SNX16: variants seen among roughly 807,000 people sequenced by gnomAD.
SNX16 encodes the protein sorting nexin-16.
SNX16 carries 35 observed loss-of-function variants against 36.7 expected under a neutral mutation model. That is an observed-to-expected ratio of 0.95 (90% CI 0.73 to 1.27). SNX16 has a LOEUF of 1.27. Among genes scored for constraint, SNX16 ranks in the 50% most tolerant of loss-of-function variants. The probability of loss-of-function intolerance (pLI) is 0.00; values close to 1 mark genes in which losing one functional copy is unlikely to be tolerated. For synonymous variants in SNX16, 134 were observed against 132.0 expected (o/e 1.02, Z -0.10); for missense variants, 367 against 393.6 (o/e 0.93, Z 0.57).
chr8:81,839,619 T>G lies in SNX16; in HGVS notation c.368A>C (p.Lys123Thr), dbSNP rs1811645343. Reference sequence around the variant, plus strand: ...GCAGAAGTCAATACTTACAGTAAATTTAGCTCTTTCTTCCATCACTTCATA... The same window carrying G: ...GCAGAAGTCAATACTTACAGTAAATGTAGCTCTTTCTTCCATCACTTCATA... ...LGYEVMEERA[K>T]FTVYKILVKK... Residue 123 changes from lysine (K) to threonine (T), a missense_variant, in exon 2 of 8, where the codon AAA (lysine) becomes ACA (threonine). Lys to Thr is a moderately conservative substitution (Grantham distance 78). Transcript: ENST00000345957. The G allele has an allele frequency of 6.2e-7, 1 of 1,608,902 alleles. No homozygotes were observed. The highest frequency in any genetic ancestry group is 1.3e-5 in the African/African-American group (1 of 74,718).
At chr8:81,802,292 G>A in intron 7 of SNX16, 88 bp downstream of exon 7, 1 of 988,834 alleles carries the variant, frequency 1.0e-6, no homozygotes, top group Non-Finnish European at 1.4e-6. Context: ...GTAACACTGA[G>A]TTCATAAAAA....
chr8:81,838,264 A>C (rs1425820671), intron 2 of SNX16, among the ~76,000 whole-genome samples: 1 of 152,148 alleles, frequency 6.6e-6, no homozygotes. Context: ...CATAGATTTG[A>C]AAACTCAGTA....
intron 5 of SNX16, chr8:81,807,717 T>G (rs1200103954): frequency 1.7e-6 from 1 of 600,354 alleles, no homozygotes; most frequent in African/African-American, 1.8e-5. Flanking sequence ...TGCTCCTTTC[T>G]GCCCGTGGAT....
chr8:81,837,215 G>A (rs147743064), intron 2 of SNX16, among the ~76,000 whole-genome samples: 172 of 152,142 alleles, frequency 1.1e-3, no homozygotes, highest in Middle Eastern at 3.4e-3. Context: ...TCAAATTGCT[G>A]TACCACTATT....
chr8:81,831,377 A>G lies in SNX16; in HGVS notation c.376-1861T>C, dbSNP rs117881566. On this transcript the variant is annotated intron_variant, in intron 2 of 7. Coordinates refer to ENST00000345957, the MANE Select transcript of SNX16 (RefSeq NM_152836.3). ...AAACTATGCATCTGGCAAAGGTCTAATATCCAGAATCCATAAGGAACATAA... is the reference window on the plus strand; with the variant it reads ...AAACTATGCATCTGGCAAAGGTCTAGTATCCAGAATCCATAAGGAACATAA... Among the ~76,000 whole-genome samples, 218 of 152,310 alleles carry G rather than the reference A, an allele frequency of 1.4e-3. 3 individuals carry two copies. The East Asian group carries it at 0.041, about 29-fold the overall frequency.
At position 81,799,626 on chromosome 8, in the gene SNX16, G is replaced by C. The variant is rs1300220484; in HGVS notation, c.*1871C>G. 6.6e-6 allele frequency: 1 copy of C among 151,728 alleles called. No individual in the cohort carries two copies. The highest frequency in any genetic ancestry group is 1.5e-5 in the Non-Finnish European group (1 of 67,822). The allele number at this position is 151,728 out of a possible 1,614,324, so 9.4% of individuals were successfully genotyped here. Reference sequence around the variant, plus strand: ...TTATTAAATGAACATAATACTGGGAGTAAAATGCATTATAAAAGTAAAAAA... The same window carrying C: ...TTATTAAATGAACATAATACTGGGACTAAAATGCATTATAAAAGTAAAAAA... On this transcript the variant is annotated 3_prime_UTR_variant, in exon 8 of 8. Transcript: ENST00000345957.
intron 4 of SNX16, among the ~76,000 whole-genome samples, chr8:81,816,181 C>CTTTTTTTT (rs777491714): frequency 2.7e-4 from 37 of 137,804 alleles, no homozygotes; most frequent in African/African-American, 6.9e-4. Flanking sequence ...AAAGGATTTT[C>CTTTTTTTT]TTTTTTTTTT....
chr8:81,826,975 T>A (rs575235198), intron 3 of SNX16, among the ~76,000 whole-genome samples: 14 of 152,318 alleles, frequency 9.2e-5, no homozygotes, highest in African/African-American at 3.1e-4. Context: ...CCTAAGCTTT[T>A]ATTTTTTACA....
intron 4 of SNX16, among the ~76,000 whole-genome samples, chr8:81,816,600 G>A (rs1810508566): frequency 6.6e-6 from 1 of 152,280 alleles, no homozygotes; most frequent in South Asian, 2.1e-4. Context: ...GTCAGGAGGT[G>A]TCCATGAAGA....
Position 81,801,612 on chromosome 8 carries a change from A to AG in SNX16, c.939-20_939-19insC. 1.4e-6 allele frequency: 2 copies of AG among 1,409,242 alleles called. No individual in the cohort carries two copies. The highest frequency in any genetic ancestry group is 2.0e-6 in the Non-Finnish European group (2 of 1,022,712). The allele number at this position is 1,409,242 out of a possible 1,614,324, so 87.3% of individuals were successfully genotyped here. A position where few individuals can be genotyped will look rare whatever the true frequency, so the allele number is the denominator to read the frequency against. On this transcript the variant is annotated intron_variant, in intron 7 of 7. Coordinates refer to ENST00000345957, the MANE Select transcript of SNX16 (RefSeq NM_152836.3). ...ATCAGCTCTGCAAAAAAAAAAAAAAAAGGAACATATCAATGATGGGACTGG... is the reference window on the plus strand; with the variant it reads ...ATCAGCTCTGCAAAAAAAAAAAAAAAGAGGAACATATCAATGATGGGACTGG...
In SNX16 at chr8:81,807,444, C is replaced by T. The variant is rs562214964; in HGVS notation, c.682-4216G>A. 2.6e-4 allele frequency among the ~76,000 whole-genome samples: 36 copies of T among 139,188 alleles called. 1 individual carries two copies. The highest frequency in any genetic ancestry group is 9.1e-4 in the African/African-American group (34 of 37,242). 91.3% of individuals were successfully genotyped at this position (139,188 alleles called of 152,430 possible). A position where few individuals can be genotyped will look rare whatever the true frequency, so the allele number is the denominator to read the frequency against. Reference sequence around the variant, plus strand: ...TGAGGCAGGAGAATTGCTGGAATCCCGGAGGCAGACGTTGCAGTGAGCCAA... The same window carrying T: ...TGAGGCAGGAGAATTGCTGGAATCCTGGAGGCAGACGTTGCAGTGAGCCAA... On this transcript the variant is annotated intron_variant, in intron 5 of 7. Transcript: ENST00000345957.
chr8:81,823,746 G>GT, intron 4 of SNX16, 46 bp downstream of exon 4: 1 of 1,497,624 alleles, frequency 6.7e-7, no homozygotes, highest in Admixed American at 2.1e-5. Flanking sequence ...ATTTACGCCA[G>GT]TTATTGGAAT....
At chr8:81,827,544 G>A (rs1010482322) in intron 3 of SNX16, among the ~76,000 whole-genome samples, 14 of 152,074 alleles carry the variant, frequency 9.2e-5, no homozygotes, top group Non-Finnish European at 1.5e-4. Flanking sequence ...CTCAGGAACA[G>A]TAAATAAAAT....
At chr8:81,810,133 A>T (rs1810167983) in intron 5 of SNX16, among the ~76,000 whole-genome samples, 1 of 152,126 alleles carries the variant, frequency 6.6e-6, no homozygotes, top group African/African-American at 2.4e-5. Context: ...AAAAATTATA[A>T]TTTATTTCTA....
chr8:81,809,974 A>G (rs1810158477), intron 5 of SNX16, among the ~76,000 whole-genome samples: 1 of 152,194 alleles, frequency 6.6e-6, no homozygotes, highest in Non-Finnish European at 1.5e-5. Context: ...CTTCTGGGAT[A>G]GAGATCAAAC....
chr8:81,834,437 C>T (rs1811404435), intron 2 of SNX16, among the ~76,000 whole-genome samples: 1 of 152,084 alleles, frequency 6.6e-6, no homozygotes, highest in South Asian at 2.1e-4. Context: ...CAGACAGTCC[C>T]CCAAAGACTT....
At chr8:81,808,301 T>C (rs1427862778) in intron 5 of SNX16, 1 of 1,177,164 alleles carries the variant, frequency 8.5e-7, no homozygotes, top group Admixed American at 1.7e-5. Flanking sequence ...AACTGTGAAG[T>C]TAGGAAGACC....
At position 81,823,773 on chromosome 8, in the gene SNX16, A is replaced by G. The variant is rs182834939; in HGVS notation, c.611+19T>C. ...TATTGGAATGCTTTTATAATCTCTT[A>G]TTTCAATTCGTTACATACCAGTTAG... is the stretch of plus-strand genomic sequence containing the variant. On this transcript the variant is annotated intron_variant, in intron 4 of 7. Coordinates refer to ENST00000345957, the MANE Select transcript of SNX16 (RefSeq NM_152836.3). 1.3e-6 allele frequency: 2 copies of G among 1,568,880 alleles called. No individual in the cohort carries two copies. The highest frequency in any genetic ancestry group is 3.9e-5 in the Admixed American group (2 of 51,052).
chr8:81,808,123 G>T, intron 5 of SNX16: 1 of 1,246,998 alleles, frequency 8.0e-7, no homozygotes, highest in South Asian at 1.2e-5. Flanking sequence ...AGACACTGAA[G>T]AACATCACCT....
Sources: allele counts gnomAD v4.1 joint callset (sites outside exome capture counted in the v4.1 genomes callset), GRCh38; gene constraint gnomAD v4.1.1; transcripts MANE v1.5; gene names NCBI Gene and HGNC (gene_info 2026-07-23, HGNC 2026-07-21).